BDKRB1: variants seen among roughly 807,000 people sequenced by gnomAD.
BDKRB1 encodes the protein B1 bradykinin receptor.
For synonymous variants in BDKRB1, 192 were observed against 189.1 expected (o/e 1.02, Z -0.13); for missense variants, 414 against 441.4 (o/e 0.94, Z 0.56).
intron 2 of BDKRB1, among the ~76,000 whole-genome samples, chr14:96,263,214 T>C (rs995328333): frequency 3.3e-5 from 5 of 152,196 alleles, no homozygotes; most frequent in Non-Finnish European, 4.4e-5. Context: ...CAGTTGTTAC[T>C]AAGACTAATC....
intron 1 of BDKRB1, among the ~76,000 whole-genome samples, chr14:96,258,830 A>AT (rs905178269): frequency 8.8e-4 from 133 of 150,394 alleles, no homozygotes; most frequent in African/African-American, 3.0e-3. Context: ...GCCCACACGT[A>AT]TTTTTTTTTA....
At chr14:96,261,947 C>T (rs188465542) in intron 1 of BDKRB1, among the ~76,000 whole-genome samples, 1 of 152,342 alleles carries the variant, frequency 6.6e-6, no homozygotes, top group East Asian at 1.9e-4. Flanking sequence ...ATGCAGTCCT[C>T]CCTATGGAAA....
intron 1 of BDKRB1, chr14:96,259,489 G>A (rs1481611075): frequency 1.3e-5 from 2 of 152,166 alleles, no homozygotes; most frequent in South Asian, 2.1e-4. Context: ...ATAACAAATT[G>A]TGTGTGCACC....
Position 96,263,825 on chromosome 14 carries a change from G to A in BDKRB1, c.143G>A (p.Cys48Tyr). Residue 48 changes from cysteine to tyrosine, a missense_variant, in exon 3 of 3, where the codon TGT becomes TAT. Transcript: ENST00000216629. The part of the protein sequence containing the change: ...RVLPTFIISI[C>Y]FFGLLGNLFV... ...CTGCCAACATTTATCATCTCCATCT[G>A]TTTCTTCGGCCTCCTAGGGAACCTT... 1 of 1,614,172 alleles carries A rather than the reference G, an allele frequency of 6.2e-7. No homozygotes were observed. Among genetic ancestry groups the A allele is most frequent in the Non-Finnish European group, 8.5e-7 (1 of 1,180,026 alleles).
intron 2 of BDKRB1, among the ~76,000 whole-genome samples, 155 bp downstream of exon 2, chr14:96,262,925 G>A (rs1885790920): frequency 6.6e-6 from 1 of 152,036 alleles, no homozygotes; most frequent in Non-Finnish European, 1.5e-5. Context: ...ACCACACCCG[G>A]CCAATACTCA....
chr14:96,260,547 C>T (rs1017899817), intron 1 of BDKRB1, among the ~76,000 whole-genome samples: 1 of 152,156 alleles, frequency 6.6e-6, no homozygotes, highest in Non-Finnish European at 1.5e-5. Context: ...GGGTTTATTT[C>T]AAATTCTTTA....
rs886632520 is a variant in BDKRB1 at position 96,263,681 on chromosome 14, G to C, written c.-2G>C. The C allele has an allele frequency of 6.2e-7, 1 of 1,611,498 alleles. No homozygotes were observed. The highest frequency in any genetic ancestry group is 2.2e-5 in the East Asian group (1 of 44,852). On this transcript the variant is annotated 5_prime_UTR_variant, in exon 3 of 3. Coordinates refer to ENST00000216629, the MANE Select transcript of BDKRB1 (RefSeq NM_000710.4). ...CCTTCTGTTCATTTCAGGTCACTGT[G>C]CATGGCATCATCCTGGCCCCCTCTA...
chr14:96,264,536 T>C lies in BDKRB1; in HGVS notation c.854T>C (p.Phe285Ser), dbSNP rs1293393566. 2.5e-6 allele frequency: 4 copies of C among 1,614,186 alleles called. No homozygotes were observed. In the South Asian group the frequency reaches 3.3e-5, roughly 13 times the overall value. Reference sequence around the variant, plus strand: ...CAGGTGCAAGCAGTCCGAGGCTGCTTTTGGGAGGACTTCATTGACCTGGGC... The same window carrying C: ...CAGGTGCAAGCAGTCCGAGGCTGCTCTTGGGAGGACTTCATTGACCTGGGC... ...LFQVQAVRGC[F>S]WEDFIDLGLQ... The change falls in exon 3 of 3, where the codon TTT becomes TCT. Residue 285 changes from phenylalanine to serine, a missense_variant. Phe to Ser is a radical substitution (Grantham distance 155, BLOSUM62 -2). Coordinates refer to ENST00000216629, the MANE Select transcript of BDKRB1 (RefSeq NM_000710.4).
At chr14:96,259,217 C>T (rs1020411081) in intron 1 of BDKRB1, among the ~76,000 whole-genome samples, 27 of 151,996 alleles carry the variant, frequency 1.8e-4, no homozygotes, top group African/African-American at 2.9e-4. Flanking sequence ...CAAAATTCAA[C>T]GAAAATTTAT....
chr14:96,263,586 A>C, intron 2 of BDKRB1, 87 bp from the exon 3 acceptor site: 2 of 1,399,932 alleles, frequency 1.4e-6, no homozygotes, highest in South Asian at 3.0e-5. Flanking sequence ...ATAAAACTTT[A>C]TTGTCCAAAA....
chr14:96,263,935 G>A lies in BDKRB1; in HGVS notation c.253G>A (p.Val85Met), dbSNP rs1305119172. Reference sequence around the variant, plus strand: ...GGCCAACCTGGCAGCCTCTGATCTGGTGTTTGTCTTGGGCTTGCCCTTCTG... The same window carrying A: ...GGCCAACCTGGCAGCCTCTGATCTGATGTTTGTCTTGGGCTTGCCCTTCTG... ...YLANLAASDL[V>M]FVLGLPFWAE... Residue 85 changes from valine (V) to methionine (M), a missense_variant, in exon 3 of 3, where the codon GTG (valine) becomes ATG (methionine). Transcript: ENST00000216629. 3 of 1,614,110 alleles carry A rather than the reference G, an allele frequency of 1.9e-6. No homozygotes were observed. The highest frequency in any genetic ancestry group is 2.7e-5 in the African/African-American group (2 of 74,936).
In BDKRB1 at chr14:96,263,781, G is replaced by A. The variant is rs1201586247; in HGVS notation, c.99G>A (p.Trp33Ter). The A allele has an allele frequency of 6.2e-7, 1 of 1,614,078 alleles. No homozygotes were observed. Among genetic ancestry groups the A allele is most frequent in the African/African-American group, 1.3e-5 (1 of 74,920 alleles). ...ATACDNAPEA[W>*]DLLHRVLPTF... ...CCTGTGACAATGCTCCAGAAGCCTG[G>A]GACCTGCTGCACAGAGTGCTGCCAA... Residue 33 changes from tryptophan (W) to a stop codon, truncating the protein, a stop_gained, in exon 3 of 3, where the codon TGG (tryptophan) becomes TGA (stop). Coordinates refer to ENST00000216629, the MANE Select transcript of BDKRB1 (RefSeq NM_000710.4). LOFTEE classifies it low-confidence loss of function (END_TRUNC).
Position 96,258,681 on chromosome 14 carries a change from C to T in BDKRB1, c.-130+2381C>T, listed in dbSNP as rs200515898. ...GATTACAGGCGCCTGCCACCATGCCCGGCTAATTTTTGTGTTTTCAGTAGA... is the reference window on the plus strand; with the variant it reads ...GATTACAGGCGCCTGCCACCATGCCTGGCTAATTTTTGTGTTTTCAGTAGA... On this transcript the variant is annotated intron_variant, in intron 1 of 2. Transcript: ENST00000216629. 2.2e-4 allele frequency among the ~76,000 whole-genome samples: 34 copies of T among 152,216 alleles called. No individual in the cohort carries two copies. The East Asian group carries it at 6.0e-3, about 27-fold the overall frequency.
At chr14:96,257,274 C>T (rs1885638308) in intron 1 of BDKRB1, among the ~76,000 whole-genome samples, 1 of 152,234 alleles carries the variant, frequency 6.6e-6, no homozygotes, top group Non-Finnish European at 1.5e-5. Flanking sequence ...CTGGTCGTCT[C>T]TGGCTTCCTG....
rs139028840 is a variant in BDKRB1 at position 96,264,443 on chromosome 14, C to A, written c.761C>A (p.Thr254Lys). Residue 254 changes from threonine to lysine, a missense_variant, in exon 3 of 3, where the codon ACG becomes AAG. Transcript: ENST00000216629. Reference sequence around the variant, plus strand: ...AGCAAGACCACAGCGCTGATCCTCACGCTCGTGGTTGCCTTCCTGGTCTGC... The same window carrying A: ...AGCAAGACCACAGCGCTGATCCTCAAGCTCGTGGTTGCCTTCCTGGTCTGC... ...KDSKTTALIL[T>K]LVVAFLVCWA... 3.7e-6 allele frequency: 6 copies of A among 1,614,076 alleles called. No individual in the cohort carries two copies. Among genetic ancestry groups the A allele is most frequent in the Non-Finnish European group, 5.1e-6 (6 of 1,180,048 alleles).
intron 1 of BDKRB1, among the ~76,000 whole-genome samples, chr14:96,260,826 A>G (rs1038963495): frequency 6.6e-5 from 10 of 152,148 alleles, no homozygotes; most frequent in Admixed American, 2.0e-4. Flanking sequence ...TTTAAATGCC[A>G]TTCCTATAGT....
chr14:96,264,741 T>C lies in BDKRB1; in HGVS notation c.1059T>C (p.Asn353=). 1 of 1,606,876 alleles carries C rather than the reference T, an allele frequency of 6.2e-7. No individual in the cohort carries two copies. The highest frequency in any genetic ancestry group is 1.1e-5 in the South Asian group (1 of 89,378). Residue 353 remains asparagine, a synonymous_variant, in exon 3 of 3, where the codon AAT becomes AAC. Coordinates refer to ENST00000216629, the MANE Select transcript of BDKRB1 (RefSeq NM_000710.4). Reference sequence around the variant, plus strand: ...AAATCTTCCAACTTTTCTGGCGGAATTAAAACAGCATTGAACCAAGAAGCT... The same window carrying C: ...AAATCTTCCAACTTTTCTGGCGGAACTAAAACAGCATTGAACCAAGAAGCT... ...RKEIFQLFWR[N]
rs1197968030 is a variant in BDKRB1, at chr14:96,263,761, G to A, written c.79G>A (p.Asp27Asn). The part of the protein sequence containing the change: ...QLFPQNATAC[D>N]NAPEAWDLLH... ...CTTCCCTCAAAATGCTACGGCCTGTGACAATGCTCCAGAAGCCTGGGACCT... is the reference window on the plus strand; with the variant it reads ...CTTCCCTCAAAATGCTACGGCCTGTAACAATGCTCCAGAAGCCTGGGACCT... The change falls in exon 3 of 3, where the codon GAC becomes AAC. Residue 27 changes from aspartate (D) to asparagine (N), a missense_variant. Coordinates refer to ENST00000216629, the MANE Select transcript of BDKRB1 (RefSeq NM_000710.4). 7 of 1,614,176 alleles carry A rather than the reference G, an allele frequency of 4.3e-6. No individual in the cohort carries two copies. In the South Asian group the frequency reaches 5.5e-5, roughly 13 times the overall value.
At chr14:96,259,076 A>T (rs534077063) in intron 1 of BDKRB1, among the ~76,000 whole-genome samples, 1 of 152,194 alleles carries the variant, frequency 6.6e-6, no homozygotes, top group African/African-American at 2.4e-5. Context: ...TCATTTTCTG[A>T]TACATTTTAT....
Sources: gnomAD v4.1 joint callset for allele counts (sites outside exome capture counted in the v4.1 genomes callset) on GRCh38, gnomAD v4.1.1 for gene constraint, MANE v1.5 for transcripts, NCBI Gene and HGNC (gene_info 2026-07-23, HGNC 2026-07-21) for gene names.